RELL1: variants seen among roughly 807,000 people sequenced by gnomAD.
RELL1 encodes RELT-like protein 1.
Under a neutral mutation model 23.0 loss-of-function variants are expected in RELL1, and 10 were observed. The observed-to-expected ratio is 0.43, with a 90% CI of 0.27 to 0.74. The LOEUF is 0.74. Among genes scored for constraint, RELL1 ranks in the 30% least tolerant of loss-of-function variants. The pLI is 0.19. For missense variants in RELL1, 315 were observed against 364.4 expected, an observed-to-expected ratio of 0.86 and a Z score of 1.10; for synonymous variants, 146 against 146.8, an observed-to-expected ratio of 0.99 and a Z score of 0.04.
chr4:37,673,288 T>C (rs148323810), intron 1 of RELL1, among the ~76,000 whole-genome samples: 132 of 148,080 alleles, frequency 8.9e-4, no homozygotes, highest in African/African-American at 3.1e-3. Context: ...CCTCTGGGCT[T>C]AAGTGATCCT....
rs1457623323 is a variant in RELL1, at chr4:37,686,333, C to A, written c.-46G>T. The A allele has an allele frequency of 2.8e-6, 4 of 1,422,656 alleles. No individual in the cohort carries two copies. In the East Asian group the frequency reaches 8.8e-5, roughly 31 times the overall value. The allele number at this position is 1,422,656 out of a possible 1,614,324, so 88.1% of individuals were successfully genotyped here. On this transcript the variant is annotated 5_prime_UTR_variant, in exon 1 of 7. Transcript: ENST00000454158. ...CTCCCCCAGGGCGCCGCGTCCCGCG[C>A]TCGGGAAGGCAGAGCCGCTCCGGAG...
At chr4:37,616,208 C>T (rs1719569023) in intron 6 of RELL1, among the ~76,000 whole-genome samples, 1 of 152,186 alleles carries the variant, frequency 6.6e-6, no homozygotes, top group Non-Finnish European at 1.5e-5. Context: ...TTCCCGATGA[C>T]TCCATAAGTC....
chr4:37,590,794 G>A, downstream of RELL1: 1 of 1,614,134 alleles, frequency 6.2e-7, no homozygotes, highest in Non-Finnish European at 8.5e-7. Context: ...TGAGGATGTG[G>A]AAACAGAAGT....
downstream of RELL1, chr4:37,590,049 T>C (rs1377534881): frequency 1.4e-6 from 2 of 1,452,090 alleles, no homozygotes; most frequent in South Asian, 1.3e-5. Context: ...GCATTAATGA[T>C]GGAGCAGACC....
At chr4:37,679,178 CTG>C (rs1722122309) in intron 1 of RELL1, among the ~76,000 whole-genome samples, 1 of 152,162 alleles carries the variant, frequency 6.6e-6, no homozygotes, top group Non-Finnish European at 1.5e-5. Flanking sequence ...ACAAAGAGAA[CTG>C]TGTTAGTAAC....
At chr4:37,608,033 G>C (rs939019774), downstream of RELL1, among the ~76,000 whole-genome samples, 3 of 152,068 alleles carry the variant, frequency 2.0e-5, no homozygotes, top group African/African-American at 7.3e-5. Context: ...TGTTACTATT[G>C]TAATTGTTTT....
chr4:37,662,792 A>C (rs1430275389), intron 1 of RELL1, among the ~76,000 whole-genome samples: 4 of 141,548 alleles, frequency 2.8e-5, no homozygotes, highest in African/African-American at 7.9e-5. Flanking sequence ...CCCACCTCCC[A>C]CCTCGCCCAA....
downstream of RELL1, among the ~76,000 whole-genome samples, chr4:37,606,546 C>A (rs1425321369): frequency 3.3e-5 from 5 of 152,304 alleles, no homozygotes; most frequent in Admixed American, 2.6e-4. The surrounding 1 kb of genome is among the most constrained non-coding windows in gnomAD (Gnocchi z 4.1). Context: ...GCCTGGTGTC[C>A]TTGTAAGAGC....
chr4:37,622,167 G>T (rs547783765), intron 6 of RELL1, among the ~76,000 whole-genome samples: 1 of 152,272 alleles, frequency 6.6e-6, no homozygotes, highest in East Asian at 1.9e-4. Context: ...TCAACAGTCA[G>T]GGAACCACAG....
chr4:37,685,708 G>C (rs1722379978), intron 1 of RELL1, among the ~76,000 whole-genome samples: 1 of 152,204 alleles, frequency 6.6e-6, no homozygotes, highest in African/African-American at 2.4e-5. Flanking sequence ...CCAAATAAAT[G>C]GAAACGTGGA....
intron 6 of RELL1, among the ~76,000 whole-genome samples, chr4:37,617,455 A>G (rs1056525005): frequency 1.2e-4 from 19 of 152,258 alleles, no homozygotes; most frequent in Admixed American, 7.9e-4. Flanking sequence ...CAAGTATGAC[A>G]AAATCACTTA....
chr4:37,640,471 A>G (rs1160255612), intron 3 of RELL1, among the ~76,000 whole-genome samples: 2 of 152,208 alleles, frequency 1.3e-5, no homozygotes, highest in Non-Finnish European at 2.9e-5. Context: ...ATACAATCCC[A>G]TATACAATTT....
intron 1 of RELL1, among the ~76,000 whole-genome samples, chr4:37,670,354 A>G (rs1284004097): frequency 1.3e-5 from 2 of 152,190 alleles, no homozygotes; most frequent in African/African-American, 4.8e-5. Context: ...CCCTTAGTAA[A>G]GAGACTACTA....
Position 37,611,614 on chromosome 4 carries a change from G to T in RELL1, c.*1732C>A, listed in dbSNP as rs1224088527. 2.0e-5 allele frequency among the ~76,000 whole-genome samples: 3 copies of T among 152,022 alleles called. No homozygotes were observed. The East Asian group carries it at 5.8e-4, about 29-fold the overall frequency. On this transcript the variant is annotated 3_prime_UTR_variant, in exon 7 of 7. Coordinates refer to ENST00000454158, the MANE Select transcript of RELL1 (RefSeq NM_001085400.2). The stretch of plus-strand genomic sequence containing the variant: ...ACCCCCCAACACTGACATGGAGGCG[G>T]GTCTTGGAGACCTTGTAACTGGCCT...
intron 1 of RELL1, among the ~76,000 whole-genome samples, chr4:37,678,213 AACTC>A (rs1343596696): frequency 2.0e-5 from 3 of 152,164 alleles, no homozygotes; most frequent in Admixed American, 6.5e-5. Flanking sequence ...ATCTCTTGTG[AACTC>A]ACTCACTATC....
At chr4:37,607,727 G>A (rs989302637), downstream of RELL1, among the ~76,000 whole-genome samples, 5 of 151,636 alleles carry the variant, frequency 3.3e-5, no homozygotes, top group South Asian at 8.4e-4. Context: ...ATATAGACAC[G>A]CACCACCACA....
downstream of RELL1, chr4:37,588,867 G>C: frequency 6.2e-7 from 1 of 1,613,120 alleles, no homozygotes; most frequent in South Asian, 1.1e-5. Flanking sequence ...AAACAATCCA[G>C]ATGGGGTGCA....
At chr4:37,606,396 T>A (rs1210916596), downstream of RELL1, among the ~76,000 whole-genome samples, 1 of 152,174 alleles carries the variant, frequency 6.6e-6, no homozygotes, top group Non-Finnish European at 1.5e-5. The surrounding 1 kb of genome is among the most constrained non-coding windows in gnomAD (Gnocchi z 4.1). Flanking sequence ...GGTTGAATGA[T>A]ATCCCCCACA....
Position 37,642,643 on chromosome 4 carries a change from C to T in RELL1, c.386-4139G>A, listed in dbSNP as rs148272213. Among the ~76,000 whole-genome samples the T allele has an allele frequency of 6.1e-4, 93 of 152,226 alleles. 2 individuals carry two copies. The East Asian group carries it at 0.017, about 28-fold the overall frequency. Reference sequence around the variant, plus strand: ...TCATAATGAGCACCTTTTGATCACACCTGGGTTTACACTAATGCGGTGACT... The same window carrying T: ...TCATAATGAGCACCTTTTGATCACATCTGGGTTTACACTAATGCGGTGACT... On this transcript the variant is annotated intron_variant, in intron 3 of 6. Transcript: ENST00000454158.
Sources: gnomAD v4.1 joint callset for allele counts (sites outside exome capture counted in the v4.1 genomes callset) on GRCh38, gnomAD v4.1.1 for gene constraint, Gnocchi (gnomAD v3.1) non-coding constraint, MANE v1.5 for transcripts, NCBI Gene and HGNC (gene_info 2026-07-23, HGNC 2026-07-21) for gene names.